TEAD1: variants seen among roughly 807,000 people sequenced by gnomAD.
The protein encoded by TEAD1 is TEA domain transcription factor 1.
A neutral mutation model predicts 54.9 loss-of-function variants in TEAD1; 9 were observed. That is an observed-to-expected ratio of 0.16 (90% CI 0.10 to 0.29). The LOEUF is 0.29. Ranked by LOEUF, TEAD1 falls within the 10% of genes least tolerant of loss-of-function variation. TEAD1 has a pLI of 1.00. For missense variants in TEAD1, 387 were observed against 535.9 expected, an observed-to-expected ratio of 0.72 and a Z score of 2.74; for synonymous variants, 200 against 187.8, an observed-to-expected ratio of 1.07 and a Z score of -0.53.
intron 3 of TEAD1, among the ~76,000 whole-genome samples, chr11:12,784,697 T>A (rs1945640184): frequency 6.6e-6 from 1 of 152,200 alleles, no homozygotes; most frequent in Admixed American, 6.5e-5. Flanking sequence ...CTTGGCATGT[T>A]CCTTTCTGTG....
chr11:12,770,240 G>A (rs1945287660), intron 3 of TEAD1, among the ~76,000 whole-genome samples: 1 of 152,180 alleles, frequency 6.6e-6, no homozygotes, highest in Non-Finnish European at 1.5e-5. Context: ...AATGTGTGGG[G>A]GGTATGCAAA....
chr11:12,843,542 GTAAA>G (rs1163895382), intron 3 of TEAD1, among the ~76,000 whole-genome samples: 1 of 152,202 alleles, frequency 6.6e-6, no homozygotes, highest in Non-Finnish European at 1.5e-5. Flanking sequence ...CAGTCTTAGA[GTAAA>G]TTATAAATGC....
intron 2 of TEAD1, among the ~76,000 whole-genome samples, chr11:12,701,401 A>G (rs1397839645): frequency 1.3e-5 from 2 of 152,136 alleles, no homozygotes; most frequent in Non-Finnish European, 2.9e-5. Flanking sequence ...AAACAACAAA[A>G]CAAAAACTTA....
Position 12,941,178 on chromosome 11 carries a change from G to A in TEAD1, c.*3956G>A, listed in dbSNP as rs118038523. 0.05 allele frequency: 7,584 copies of A among 152,312 alleles called. 251 individuals are homozygous for A. Among genetic ancestry groups the A allele is most frequent in the South Asian group, 0.13 (625 of 4,822 alleles). The allele number at this position is 152,312 out of a possible 1,614,324, so 9.4% of individuals were successfully genotyped here. ...AGATGGGGAGATTCAGGATCCCCCTGTGCCAGAGCACAGCCTCACCGGATG... is the reference window on the plus strand; with the variant it reads ...AGATGGGGAGATTCAGGATCCCCCTATGCCAGAGCACAGCCTCACCGGATG... On this transcript the variant is annotated 3_prime_UTR_variant, in exon 13 of 13. Transcript: ENST00000527636.
intron 9 of TEAD1, among the ~76,000 whole-genome samples, chr11:12,893,082 C>A (rs1055037301): frequency 6.6e-6 from 1 of 152,218 alleles, no homozygotes; most frequent in Admixed American, 6.5e-5. Flanking sequence ...TCAAAAATAG[C>A]AGAGCCTAGA....
chr11:12,770,698 GAC>G (rs1945296080), intron 3 of TEAD1, among the ~76,000 whole-genome samples: 1 of 152,168 alleles, frequency 6.6e-6, no homozygotes, highest in South Asian at 2.1e-4. Flanking sequence ...CTGTGGAGCT[GAC>G]ATTTACAACC....
At chr11:12,860,305 A>G (rs747605446) in intron 3 of TEAD1, among the ~76,000 whole-genome samples, 18 of 152,184 alleles carry the variant, frequency 1.2e-4, no homozygotes, top group Non-Finnish European at 2.1e-4. Context: ...CTACTTCCTC[A>G]ATTTTAGAAG....
At chr11:12,781,008 C>A (rs1945531040) in intron 3 of TEAD1, among the ~76,000 whole-genome samples, 1 of 152,158 alleles carries the variant, frequency 6.6e-6, no homozygotes, top group Non-Finnish European at 1.5e-5. Flanking sequence ...TTAGACATAT[C>A]ATCAATGGAG....
At chr11:12,751,632 C>A (rs1464486700) in intron 2 of TEAD1, among the ~76,000 whole-genome samples, 6 of 152,180 alleles carry the variant, frequency 3.9e-5, no homozygotes, top group East Asian at 1.9e-4. Context: ...GAGGGGCTCT[C>A]AGTAAATGCT....
chr11:12,791,901 C>G (rs1945809757), intron 3 of TEAD1, among the ~76,000 whole-genome samples: 1 of 152,050 alleles, frequency 6.6e-6, no homozygotes, highest in African/African-American at 2.4e-5. Context: ...ACAAGTTAAA[C>G]CAAAACATCT....
chr11:12,832,350 AG>A (rs757883062), intron 3 of TEAD1, among the ~76,000 whole-genome samples: 1 of 152,356 alleles, frequency 6.6e-6, no homozygotes, highest in Admixed American at 6.5e-5. Context: ...ATAGAAGACT[AG>A]GGGGAAAAAT....
intron 2 of TEAD1, among the ~76,000 whole-genome samples, chr11:12,679,988 T>A (rs1358603632): frequency 6.6e-6 from 1 of 152,214 alleles, no homozygotes; most frequent in Non-Finnish European, 1.5e-5. Context: ...TTCTAATAGA[T>A]AGTAAACTAA....
Position 12,937,094 on chromosome 11 carries a change from T to A in TEAD1, c.1168-15T>A, listed in dbSNP as rs751475167. 3 of 1,573,778 alleles carry A rather than the reference T, an allele frequency of 1.9e-6. No homozygotes were observed. Among genetic ancestry groups the A allele is most frequent in the Non-Finnish European group, 2.6e-6 (3 of 1,144,472 alleles). The stretch of plus-strand genomic sequence containing the variant: ...CATCCTTTTGGTATTATATACTTTT[T>A]TTTTATCTTAACAGGTGGTAACAAA... On this transcript the variant is annotated splice_polypyrimidine_tract_variant and intron_variant, in intron 12 of 12. Coordinates refer to ENST00000527636, the MANE Select transcript of TEAD1 (RefSeq NM_021961.6).
chr11:12,899,874 C>G (rs551098498), intron 9 of TEAD1, among the ~76,000 whole-genome samples: 1 of 152,196 alleles, frequency 6.6e-6, no homozygotes, highest in African/African-American at 2.4e-5. Flanking sequence ...TTGCACTGCC[C>G]CTTATATGCA....
intron 3 of TEAD1, among the ~76,000 whole-genome samples, chr11:12,840,923 G>T (rs1947025611): frequency 6.6e-6 from 1 of 152,146 alleles, no homozygotes; most frequent in Admixed American, 6.5e-5. Context: ...CCTTCAGCTG[G>T]TTTGTTCCCA....
At chr11:12,704,576 C>G (rs962876708) in intron 2 of TEAD1, among the ~76,000 whole-genome samples, 4 of 152,196 alleles carry the variant, frequency 2.6e-5, no homozygotes, top group Non-Finnish European at 5.9e-5. Flanking sequence ...ATAAGAAAAC[C>G]AAGCCTTCCT....
chr11:12,845,888 A>G (rs1947136622), intron 3 of TEAD1, among the ~76,000 whole-genome samples: 1 of 152,208 alleles, frequency 6.6e-6, no homozygotes, highest in Non-Finnish European at 1.5e-5. Flanking sequence ...TGCTCAGCAT[A>G]CCACACAGGA....
chr11:12,858,053 C>A (rs775300829), intron 3 of TEAD1, among the ~76,000 whole-genome samples: 1 of 151,994 alleles, frequency 6.6e-6, no homozygotes, highest in African/African-American at 2.4e-5. Context: ...TGCAGTGAGC[C>A]GAGATCGTGC....
intron 3 of TEAD1, among the ~76,000 whole-genome samples, chr11:12,803,134 G>C (rs1216492655): frequency 6.7e-6 from 1 of 149,838 alleles, no homozygotes; most frequent in Non-Finnish European, 1.5e-5. Context: ...TAAAACTGCT[G>C]TTCTCTCCAC....
Sources: gnomAD v4.1 joint callset for allele counts (sites outside exome capture counted in the v4.1 genomes callset) on GRCh38, gnomAD v4.1.1 for gene constraint, MANE v1.5 for transcripts, NCBI Gene and HGNC (gene_info 2026-07-23, HGNC 2026-07-21) for gene names.